QSOX1: variants seen among roughly 807,000 people sequenced by gnomAD.
QSOX1 encodes the protein quiescin sulfhydryl oxidase 1, also known as sulfhydryl oxidase 1.
A neutral mutation model predicts 76.1 loss-of-function variants in QSOX1; 40 were observed. The ratio of observed to expected loss-of-function variants is 0.53; its 90% CI spans 0.41 to 0.68. QSOX1 has a LOEUF of 0.68. QSOX1 is among the 30% of genes least tolerant of loss of function. QSOX1 has a pLI of 0.00. For synonymous variants in QSOX1, 392 were observed against 413.1 expected (o/e 0.95, Z 0.62); for missense variants, 931 against 974.3 (o/e 0.96, Z 0.59).
chr1:180,185,826 A>C (rs1663156282), intron 7 of QSOX1, among the ~76,000 whole-genome samples: 1 of 152,194 alleles, frequency 6.6e-6, no homozygotes. Context: ...ACCTGTGAGC[A>C]ATGTGTTATT....
rs74132561 is a variant in QSOX1 at position 180,182,582 on chromosome 1, G to A, written c.752+263G>A. Among the ~76,000 whole-genome samples, 646 of 152,004 alleles carry A rather than the reference G, an allele frequency of 4.2e-3. 3 individuals are homozygous for A. Among genetic ancestry groups the A allele is most frequent in the African/African-American group, 0.014 (595 of 41,430 alleles). On this transcript the variant is annotated intron_variant, in intron 6 of 11. Coordinates refer to ENST00000367602, the MANE Select transcript of QSOX1 (RefSeq NM_002826.5). ...CCAGTGTCGCCTGCACCCTCATTAC[G>A]TCCCCACCACAGCCCTGGCCCTCTT...
intron 1 of QSOX1, among the ~76,000 whole-genome samples, chr1:180,158,859 G>A (rs1254707490): frequency 6.6e-6 from 1 of 152,164 alleles, no homozygotes; most frequent in African/African-American, 2.4e-5. Context: ...GCACCTCAAC[G>A]GTTGTCAGAG....
chr1:180,194,170 G>A (rs761669337), intron 10 of QSOX1, 43 bp from the exon 11 acceptor site: 6 of 1,553,920 alleles, frequency 3.9e-6, no homozygotes, highest in East Asian at 4.7e-5. Flanking sequence ...TGTGGGGCTG[G>A]CAGCCTGAAG....
chr1:180,161,593 A>G (rs1181488158), intron 1 of QSOX1, among the ~76,000 whole-genome samples: 2 of 152,250 alleles, frequency 1.3e-5, no homozygotes, highest in African/African-American at 4.8e-5. Context: ...GAGGTCTTGT[A>G]GGGAGAAAAT....
chr1:180,196,315 C>T lies in QSOX1; in HGVS notation c.1522C>T (p.Leu508Phe), dbSNP rs772718356. 1.2e-5 allele frequency: 20 copies of T among 1,613,994 alleles called. No homozygotes were observed. The highest frequency in any genetic ancestry group is 1.6e-5 in the Non-Finnish European group (19 of 1,180,006). Residue 508 changes from leucine (L) to phenylalanine (F), a missense_variant, in exon 12 of 12, where the codon CTT becomes TTT. Leu to Phe is a conservative substitution (Grantham distance 22, BLOSUM62 0). Coordinates refer to ENST00000367602, the MANE Select transcript of QSOX1 (RefSeq NM_002826.5). The surrounding 1 kb of genome is among the most constrained non-coding windows in gnomAD (Gnocchi z 4.1). Reference sequence around the variant, plus strand: ...CAAGGTGCAGTGGCCACCCCGTGAACTTTGTTCTGCCTGCCACAATGAACG... The same window carrying T: ...CAAGGTGCAGTGGCCACCCCGTGAATTTTGTTCTGCCTGCCACAATGAACG... ...FPKVQWPPRE[L>F]CSACHNERLD... is the part of the protein sequence containing the mutation.
At chr1:180,161,435 G>A (rs1467802364) in intron 1 of QSOX1, among the ~76,000 whole-genome samples, 1 of 152,178 alleles carries the variant, frequency 6.6e-6, no homozygotes, top group African/African-American at 2.4e-5. Context: ...ATATTCTCAA[G>A]TATGGCATCA....
rs948792961 is a variant in QSOX1, at chr1:180,201,114, C to T, written c.*4077C>T. ...CTCAGCTCGTCTGTGAAATTGGGGC[C>T]GCAGACTTAGTTTGCGGGTCCCTGC... On this transcript the variant is annotated 3_prime_UTR_variant, in exon 12 of 12. Transcript: ENST00000367602. The T allele has an allele frequency of 4.6e-5, 7 of 152,166 alleles. No individual in the cohort carries two copies. Among genetic ancestry groups the T allele is most frequent in the African/African-American group, 7.2e-5 (3 of 41,416 alleles). The allele number at this position is 152,166 out of a possible 1,614,324, so 9.4% of individuals were successfully genotyped here. A position where few individuals can be genotyped will look rare whatever the true frequency, so the allele number is the denominator to read the frequency against.
In QSOX1 at chr1:180,198,163, A is replaced by C. The variant is rs1014458082; in HGVS notation, c.*1126A>C. On this transcript the variant is annotated 3_prime_UTR_variant, in exon 12 of 12. Transcript: ENST00000367602. ...CTCAGCACACACAGCTCCTGGCCAC[A>C]GACTGCCCATAGAACTGTCTGCACC... The C allele has an allele frequency of 8.8e-6, 4 of 456,532 alleles. No homozygotes were observed. Among genetic ancestry groups the C allele is most frequent in the Non-Finnish European group, 1.8e-5 (4 of 226,872 alleles). The allele number at this position is 456,532 out of a possible 1,614,324, so 28.3% of individuals were successfully genotyped here. A position where few individuals can be genotyped will look rare whatever the true frequency, so the allele number is the denominator to read the frequency against.
At chr1:180,168,308 C>T (rs941650184) in intron 2 of QSOX1, among the ~76,000 whole-genome samples, 3 of 152,254 alleles carry the variant, frequency 2.0e-5, no homozygotes, top group African/African-American at 7.2e-5. Flanking sequence ...CTCAGCCCTC[C>T]CCTGCCTCCA....
chr1:180,195,845 A>T (rs1184101763), intron 11 of QSOX1, among the ~76,000 whole-genome samples: 1 of 152,248 alleles, frequency 6.6e-6, no homozygotes, highest in Non-Finnish European at 1.5e-5. Flanking sequence ...ATGCAAAAAA[A>T]GACAAACACG....
At chr1:180,189,500 A>T (rs1405240358) in intron 8 of QSOX1, 52 bp from the exon 9 acceptor site, 1 of 1,249,814 alleles carries the variant, frequency 8.0e-7, no homozygotes, top group East Asian at 5.4e-5. Context: ...CAGGACGGGG[A>T]ACTTGGGGAA....
At chr1:180,188,043 T>C (rs1452071535) in intron 8 of QSOX1, among the ~76,000 whole-genome samples, 1 of 152,190 alleles carries the variant, frequency 6.6e-6, no homozygotes, top group Non-Finnish European at 1.5e-5. Context: ...GCATGGCTTC[T>C]AGTATGATCT....
At chr1:180,171,285 A>G (rs148098111) in intron 2 of QSOX1, among the ~76,000 whole-genome samples, 3 of 152,304 alleles carry the variant, frequency 2.0e-5, no homozygotes, top group East Asian at 1.9e-4. Flanking sequence ...TGAAGAGGTA[A>G]CACGGAGGTC....
chr1:180,183,442 G>T (rs540010969), intron 6 of QSOX1, among the ~76,000 whole-genome samples: 1 of 152,248 alleles, frequency 6.6e-6, no homozygotes, highest in Admixed American at 6.5e-5. Flanking sequence ...CCTGTTTTTT[G>T]AAAAATCCCA....
At position 180,203,669 on chromosome 1, in the gene QSOX1, A is replaced by G. The variant is rs904197537; in HGVS notation, c.*6632A>G. The stretch of plus-strand genomic sequence containing the variant: ...ATGATGTAACCAACAGACCAAACCA[A>G]TATGGAGTCATTCATGCTAAATGAA... On this transcript the variant is annotated 3_prime_UTR_variant, in exon 12 of 12. Coordinates refer to ENST00000367602, the MANE Select transcript of QSOX1 (RefSeq NM_002826.5). The G allele has an allele frequency of 6.6e-6, 1 of 152,238 alleles. No individual in the cohort carries two copies. The highest frequency in any genetic ancestry group is 2.4e-5 in the African/African-American group (1 of 41,464). 9.4% of individuals were successfully genotyped at this position (152,238 alleles called of 1,614,324 possible).
intron 10 of QSOX1, among the ~76,000 whole-genome samples, chr1:180,193,837 G>T (rs1329285026): frequency 2.0e-5 from 3 of 152,186 alleles, no homozygotes; most frequent in African/African-American, 7.2e-5. Flanking sequence ...GTGGGCAGGG[G>T]AGGAAGGGCC....
At position 180,202,797 on chromosome 1, in the gene QSOX1, G is replaced by A. The variant is rs1354499972; in HGVS notation, c.*5760G>A. The A allele has an allele frequency of 2.0e-5, 3 of 151,974 alleles. No homozygotes were observed. The highest frequency in any genetic ancestry group is 7.3e-5 in the African/African-American group (3 of 41,356). The allele number at this position is 151,974 out of a possible 1,614,324, so 9.4% of individuals were successfully genotyped here. ...ACTTGACGTCACTTTTAAGAAATAA[G>A]GCCAGGCACGGTGGCTCACGCTTGT... On this transcript the variant is annotated 3_prime_UTR_variant, in exon 12 of 12. Coordinates refer to ENST00000367602, the MANE Select transcript of QSOX1 (RefSeq NM_002826.5).
chr1:180,194,181 G>C, intron 10 of QSOX1, 32 bp from the exon 11 acceptor site: 1 of 1,578,562 alleles, frequency 6.3e-7, no homozygotes, highest in Non-Finnish European at 8.6e-7. Flanking sequence ...CAGCCTGAAG[G>C]GCTGGTGCGT....
rs1413294308 is a variant in QSOX1 at position 180,197,987 on chromosome 1, C to A, written c.*950C>A. Reference sequence around the variant, plus strand: ...TTACACATGCTTGATTCCCACGCTACCCCCTGCCTTGGGAGGTGTGTGGAA... The same window carrying A: ...TTACACATGCTTGATTCCCACGCTAACCCCTGCCTTGGGAGGTGTGTGGAA... On this transcript the variant is annotated 3_prime_UTR_variant, in exon 12 of 12. Transcript: ENST00000367602. 5.6e-6 allele frequency: 2 copies of A among 359,092 alleles called. No homozygotes were observed. The highest frequency in any genetic ancestry group is 5.6e-6 in the Non-Finnish European group (1 of 178,226). The allele number at this position is 359,092 out of a possible 1,614,324, so 22.2% of individuals were successfully genotyped here. A position where few individuals can be genotyped will look rare whatever the true frequency, so the allele number is the denominator to read the frequency against.
Sources: gnomAD v4.1 joint callset for allele counts (sites outside exome capture counted in the v4.1 genomes callset) on GRCh38, gnomAD v4.1.1 for gene constraint, Gnocchi (gnomAD v3.1) non-coding constraint, MANE v1.5 for transcripts, NCBI Gene and HGNC (gene_info 2026-07-23, HGNC 2026-07-21) for gene names.